The following RASAL2 variants were observed in gnomAD, a reference collection of about 807,000 sequenced individuals.
RASAL2 encodes the protein RAS protein activator like 2.
In RASAL2, 58 loss-of-function variants were observed where a neutral mutation model predicts 128.9. The ratio of observed to expected loss-of-function variants is 0.45; its 90% CI spans 0.36 to 0.56. The LOEUF is 0.56. RASAL2 is among the 20% of genes least tolerant of loss of function. The pLI is 0.00. For synonymous variants in RASAL2, 561 were observed against 580.8 expected (o/e 0.97, Z 0.49); for missense variants, 1,360 against 1,601.6 (o/e 0.85, Z 2.57).
intron 5 of RASAL2, among the ~76,000 whole-genome samples, chr1:178,433,012 A>G (rs1676020598): frequency 1.3e-5 from 2 of 151,962 alleles, no homozygotes; most frequent in Admixed American, 6.6e-5. Context: ...ATCAAATTCA[A>G]ATACCCACAC....
At chr1:178,225,253 A>T (rs181550822) in intron 1 of RASAL2, among the ~76,000 whole-genome samples, 1 of 151,650 alleles carries the variant, frequency 6.6e-6, no homozygotes, top group South Asian at 2.1e-4. Context: ...TTTTTACTTA[A>T]CTTTTCTGCT....
intron 1 of RASAL2, among the ~76,000 whole-genome samples, chr1:178,212,750 A>T (rs1411182128): frequency 6.6e-6 from 1 of 152,106 alleles, no homozygotes. Flanking sequence ...TCAGCCTCCC[A>T]AAAGTGTTGG....
intron 3 of RASAL2, chr1:178,341,520 A>G: frequency 1.2e-6 from 2 of 1,610,426 alleles, no homozygotes. Context: ...ACAGGCGAGT[A>G]CAGTATACAA....
chr1:178,322,340 G>A (rs1435536462), intron 3 of RASAL2, among the ~76,000 whole-genome samples: 4 of 151,552 alleles, frequency 2.6e-5, no homozygotes, highest in Non-Finnish European at 5.9e-5. Context: ...CTTTTGCTTT[G>A]TCCTTTCTCA....
chr1:178,162,289 T>TTATATATATATATA (rs554582730), intron 1 of RASAL2, among the ~76,000 whole-genome samples: 5 of 122,316 alleles, frequency 4.1e-5, no homozygotes, highest in African/African-American at 1.6e-4. Flanking sequence ...TAAGATTTCT[T>TTATATATATATATA]TATATATATA....
At chr1:178,371,326 A>ACACACACACACC (rs1671687918) in intron 3 of RASAL2, among the ~76,000 whole-genome samples, 1 of 131,394 alleles carries the variant, frequency 7.6e-6, no homozygotes, top group Non-Finnish European at 1.5e-5. Flanking sequence ...TCTTTCCCAC[A>ACACACACACACC]CACACACACA....
chr1:178,261,819 A>C (rs1286382004), intron 1 of RASAL2, among the ~76,000 whole-genome samples: 1 of 151,780 alleles, frequency 6.6e-6, no homozygotes, highest in Non-Finnish European at 1.5e-5. Flanking sequence ...CAGGAGGCTG[A>C]GGCAGAGAAT....
chr1:178,176,654 C>G lies in RASAL2; in HGVS notation c.202+81960C>G, dbSNP rs1283672582. On this transcript the variant is annotated intron_variant, in intron 1 of 17. Transcript: ENST00000367649. ...AGAAAGAGGGAGAGAGAGAGAGAGA[C>G]AGACAGACAGAGAGACTCCCTCCCT... Among the ~76,000 whole-genome samples the G allele has an allele frequency of 4.2e-5, 6 of 143,984 alleles. No individual in the cohort carries two copies. The East Asian group carries it at 6.1e-4, about 15-fold the overall frequency. The allele number at this position is 143,984 out of a possible 152,430, so 94.5% of individuals were successfully genotyped here. A position where few individuals can be genotyped will look rare whatever the true frequency, so the allele number is the denominator to read the frequency against.
chr1:178,469,540 T>C (rs562695466), intron 17 of RASAL2, among the ~76,000 whole-genome samples: 1 of 152,324 alleles, frequency 6.6e-6, no homozygotes, highest in Admixed American at 6.5e-5. Flanking sequence ...AAGGACTTTC[T>C]CTCAGTTAAC....
chr1:178,416,067 A>G (rs1308467777), intron 4 of RASAL2, among the ~76,000 whole-genome samples: 3 of 152,110 alleles, frequency 2.0e-5, no homozygotes, highest in East Asian at 1.9e-4. Context: ...GATTATTGAC[A>G]TAGTTGGGTT....
chr1:178,255,811 A>G (rs1285807145), intron 1 of RASAL2, among the ~76,000 whole-genome samples: 2 of 152,196 alleles, frequency 1.3e-5, no homozygotes, highest in African/African-American at 4.8e-5. Flanking sequence ...ATAGAAAACA[A>G]AAGGTAAAAT....
At chr1:178,436,628 C>G (rs60455832) in intron 5 of RASAL2, among the ~76,000 whole-genome samples, 1 of 152,206 alleles carries the variant, frequency 6.6e-6, no homozygotes, top group Non-Finnish European at 1.5e-5. Context: ...AAGCTTTGTA[C>G]TTGCAAGGTG....
chr1:178,187,240 G>A (rs1318511126), intron 1 of RASAL2, among the ~76,000 whole-genome samples: 1 of 151,664 alleles, frequency 6.6e-6, no homozygotes, highest in Non-Finnish European at 1.5e-5. Flanking sequence ...CCCCCACTCT[G>A]TTTTTCAATT....
Position 178,478,548 on chromosome 1 carries a change from A to G in RASAL2, c.*5309A>G, listed in dbSNP as rs948445987. 5.9e-5 allele frequency: 9 copies of G among 152,202 alleles called. No individual in the cohort carries two copies. Among genetic ancestry groups the G allele is most frequent in the African/African-American group, 1.9e-4 (8 of 41,466 alleles). 9.4% of individuals were successfully genotyped at this position (152,202 alleles called of 1,614,324 possible). A position where few individuals can be genotyped will look rare whatever the true frequency, so the allele number is the denominator to read the frequency against. On this transcript the variant is annotated 3_prime_UTR_variant, in exon 18 of 18. Transcript: ENST00000367649. ...AATAAGAGTGTGTTAACACACGACT[A>G]TTTTACAATGATAGCTCTAAATAAT...
chr1:178,437,197 C>T (rs982017133), intron 5 of RASAL2, among the ~76,000 whole-genome samples: 1 of 152,108 alleles, frequency 6.6e-6, no homozygotes, highest in African/African-American at 2.4e-5. Flanking sequence ...ACCTATCCTA[C>T]AAATTGTTTG....
chr1:178,169,662 C>A (rs147388884), intron 1 of RASAL2, among the ~76,000 whole-genome samples: 12 of 152,022 alleles, frequency 7.9e-5, no homozygotes, highest in Non-Finnish European at 1.2e-4. Flanking sequence ...CCTTTCCCAG[C>A]CGTTCTATTT....
intron 1 of RASAL2, among the ~76,000 whole-genome samples, chr1:178,275,511 A>C (rs574877772): frequency 6.6e-6 from 1 of 152,256 alleles, no homozygotes; most frequent in Non-Finnish European, 1.5e-5. Context: ...CATCCTTACC[A>C]TCTTCTTAAA....
intron 1 of RASAL2, among the ~76,000 whole-genome samples, chr1:178,162,834 T>A (rs1372845319): frequency 1.3e-5 from 2 of 151,620 alleles, no homozygotes; most frequent in Non-Finnish European, 2.9e-5. Context: ...GTGATCCACC[T>A]GCCTCAGCCT....
chr1:178,103,575 A>T (rs1388786709), intron 1 of RASAL2, among the ~76,000 whole-genome samples: 1 of 151,848 alleles, frequency 6.6e-6, no homozygotes, highest in African/African-American at 2.4e-5. Flanking sequence ...TCTTAATTTA[A>T]TTTTTTTTAA....
Sources: gnomAD v4.1 joint callset for allele counts (sites outside exome capture counted in the v4.1 genomes callset) on GRCh38, gnomAD v4.1.1 for gene constraint, MANE v1.5 for transcripts, NCBI Gene and HGNC (gene_info 2026-07-23, HGNC 2026-07-21) for gene names.